Variants in ITPK1 observed in about 807,000 individuals in gnomAD.
ITPK1 encodes the protein inositol 1,3,4-trisphosphate 5/6-kinase.
In ITPK1, 21 loss-of-function variants were observed where a neutral mutation model predicts 45.3. The ratio of observed to expected loss-of-function variants is 0.46; its 90% confidence interval spans 0.33 to 0.67. The LOEUF (loss-of-function observed/expected upper bound fraction) is 0.67, where lower values mean the gene tolerates loss of function less well. Among genes scored for constraint, ITPK1 ranks in the 30% least tolerant of loss-of-function variants. The pLI is 0.02. For synonymous variants in ITPK1, 258 were observed against 253.6 expected (o/e 1.02, Z -0.16); for missense variants, 474 against 573.5 (o/e 0.83, Z 1.77).
intron 4 of ITPK1, among the ~76,000 whole-genome samples, chr14:93,015,885 AG>A (rs1888151022): frequency 6.6e-6 from 1 of 152,204 alleles, no homozygotes; most frequent in African/African-American, 2.4e-5. Flanking sequence ...GAAGAAAAGC[AG>A]GGCACCAAAT....
intron 8 of ITPK1, among the ~76,000 whole-genome samples, chr14:92,952,229 C>A (rs949534313): frequency 6.6e-6 from 1 of 152,216 alleles, no homozygotes; most frequent in African/African-American, 2.4e-5. Flanking sequence ...ATAAAAGTAA[C>A]CGATGTAATG....
chr14:92,962,244 T>C, intron 7 of ITPK1, 111 bp downstream of exon 7: 1 of 832,746 alleles, frequency 1.2e-6, no homozygotes, highest in Non-Finnish European at 2.1e-6. Context: ...GAGCCAGGAC[T>C]AACAGCAGGG....
At chr14:92,972,384 C>T (rs1885705717) in intron 5 of ITPK1, among the ~76,000 whole-genome samples, 1 of 152,134 alleles carries the variant, frequency 6.6e-6, no homozygotes, top group Non-Finnish European at 1.5e-5. Context: ...CGCAGACACA[C>T]ACAGGGGAAG....
chr14:92,968,223 G>A (rs539364442), intron 5 of ITPK1, among the ~76,000 whole-genome samples: 4 of 152,130 alleles, frequency 2.6e-5, no homozygotes, highest in African/African-American at 7.2e-5. Context: ...CCAGCGACTC[G>A]GGGAGGCTGA....
intron 5 of ITPK1, among the ~76,000 whole-genome samples, chr14:92,987,313 G>A (rs1229802657): frequency 6.6e-6 from 1 of 152,172 alleles, no homozygotes; most frequent in Admixed American, 6.5e-5. Context: ...TGCAGGAAAG[G>A]GGACGGGGCA....
At chr14:93,060,657 T>C (rs1263388834) in intron 3 of ITPK1, among the ~76,000 whole-genome samples, 1 of 152,102 alleles carries the variant, frequency 6.6e-6, no homozygotes, top group Non-Finnish European at 1.5e-5. Context: ...GAGGTTTTTA[T>C]GAGGAACCAG....
In ITPK1 at chr14:92,941,517, G is replaced by A. The variant is rs1485815178; in HGVS notation, c.*44C>T. The A allele has an allele frequency of 3.4e-6, 5 of 1,474,150 alleles. No individual in the cohort carries two copies. The highest frequency in any genetic ancestry group is 4.5e-6 in the Non-Finnish European group (5 of 1,120,542). 91.3% of individuals were successfully genotyped at this position (1,474,150 alleles called of 1,614,324 possible). A position where few individuals can be genotyped will look rare whatever the true frequency, so the allele number is the denominator to read the frequency against. ...GTTGGGAGCTGCTGGCCCAGCGGGT[G>A]TGCTCTGCGCCCTGCGCTGCCCCTC... On this transcript the variant is annotated 3_prime_UTR_variant, in exon 11 of 11. Coordinates refer to ENST00000267615, the MANE Select transcript of ITPK1 (RefSeq NM_014216.6).
At chr14:92,985,851 A>G (rs934661987) in intron 5 of ITPK1, among the ~76,000 whole-genome samples, 3 of 152,158 alleles carry the variant, frequency 2.0e-5, no homozygotes, top group Non-Finnish European at 4.4e-5. Context: ...CTATTGAGGA[A>G]TCCTTACAAC....
chr14:92,972,303 A>C (rs1258227908), intron 5 of ITPK1, among the ~76,000 whole-genome samples: 1 of 152,142 alleles, frequency 6.6e-6, no homozygotes, highest in Non-Finnish European at 1.5e-5. Flanking sequence ...AGGGTCTTTA[A>C]AGAGGTAAAA....
At chr14:92,986,812 G>A (rs913372124) in intron 5 of ITPK1, among the ~76,000 whole-genome samples, 1 of 152,200 alleles carries the variant, frequency 6.6e-6, no homozygotes, top group Non-Finnish European at 1.5e-5. Flanking sequence ...TCTCCTGCAG[G>A]GTGCCAGCCA....
chr14:92,941,593 CCA>C lies in ITPK1; in HGVS notation c.1211_1212del (p.Val404GlyfsTer40). ...GVSPSFQQHC[V>X]ASLATKASSQ is the part of the protein sequence containing the mutation. ...GAGGAGGCCTTGGTGGCCAGGGAGG[CCA>C]CACAATGCTGCTGGAAGCTGGGCGA... is the stretch of plus-strand genomic sequence containing the variant. On this transcript the variant is annotated frameshift_variant, in exon 11 of 11. Transcript: ENST00000267615. LOFTEE classifies it high-confidence loss of function. 1 of 1,537,264 alleles carries C rather than the reference CCA, an allele frequency of 6.5e-7. No homozygotes were observed. Among genetic ancestry groups the C allele is most frequent in the Non-Finnish European group, 8.7e-7 (1 of 1,144,422 alleles).
intron 4 of ITPK1, among the ~76,000 whole-genome samples, chr14:93,006,367 C>A (rs1887615046): frequency 6.6e-6 from 1 of 152,254 alleles, no homozygotes; most frequent in African/African-American, 2.4e-5. Flanking sequence ...CAGGCTCCAG[C>A]CTCCAGGGTG....
At chr14:92,949,485 G>A (rs1887855720) in intron 9 of ITPK1, among the ~76,000 whole-genome samples, 1 of 152,206 alleles carries the variant, frequency 6.6e-6, no homozygotes, top group African/African-American at 2.4e-5. Context: ...CACTCATCCT[G>A]CAGCCCAAGG....
At chr14:92,963,727 G>T (rs1393427613) in intron 5 of ITPK1, among the ~76,000 whole-genome samples, 1 of 152,248 alleles carries the variant, frequency 6.6e-6, no homozygotes, top group African/African-American at 2.4e-5. Context: ...GCCTGGCACC[G>T]AGCAGGGGTA....
intron 10 of ITPK1, among the ~76,000 whole-genome samples, chr14:92,943,835 A>C (rs1887552969): frequency 6.6e-6 from 1 of 152,332 alleles, no homozygotes; most frequent in Non-Finnish European, 1.5e-5. Flanking sequence ...TGCAGTGAAC[A>C]CTGAGACTTA....
chr14:93,112,585 G>A (rs1019698287), intron 2 of ITPK1, among the ~76,000 whole-genome samples: 4 of 151,754 alleles, frequency 2.6e-5, no homozygotes, highest in East Asian at 1.9e-4. Flanking sequence ...GACTACAGGC[G>A]CCTGCCATCA....
At chr14:93,058,675 GGGTTATGAGGTGGGGTGGAGGGGGTGCA>G in intron 3 of ITPK1, among the ~76,000 whole-genome samples, 2 of 16,430 alleles carry the variant, frequency 1.2e-4, no homozygotes, top group Non-Finnish European at 2.7e-4. Flanking sequence ...GAGGGGGTGC[GGGTTATGAGGTGGGGTGGAGGGGGTGCA>G]GGTCACGAGG....
At chr14:93,105,719 T>C (rs1352815933) in intron 2 of ITPK1, among the ~76,000 whole-genome samples, 1 of 140,968 alleles carries the variant, frequency 7.1e-6, no homozygotes, top group Non-Finnish European at 1.5e-5. Flanking sequence ...TTTTTTTTTT[T>C]TGAGACAGAG....
chr14:93,080,473 T>C (rs997618110), intron 2 of ITPK1, among the ~76,000 whole-genome samples: 4 of 152,210 alleles, frequency 2.6e-5, no homozygotes, highest in African/African-American at 9.6e-5. Context: ...GCTCAGGATG[T>C]ATCATGAAAA....
Sources: gnomAD v4.1 joint callset for allele counts (sites outside exome capture counted in the v4.1 genomes callset) on GRCh38, gnomAD v4.1.1 for gene constraint, MANE v1.5 for transcripts, NCBI Gene and HGNC (gene_info 2026-07-23, HGNC 2026-07-21) for gene names.